The following PDRG1 variants were observed in gnomAD, a reference collection of about 807,000 sequenced individuals.
The protein encoded by PDRG1 is p53 and DNA damage-regulated protein 1.
In PDRG1, 14 loss-of-function variants were observed where a neutral mutation model predicts 18.4. That is an observed-to-expected ratio of 0.76 (90% CI 0.50 to 1.19). The LOEUF (loss-of-function observed/expected upper bound fraction) is 1.19, where lower values mean the gene tolerates loss of function less well. PDRG1 is among the 50% of genes most tolerant of loss of function. The probability of loss-of-function intolerance (pLI) is 0.00; values close to 1 mark genes in which losing one functional copy is unlikely to be tolerated. For synonymous variants in PDRG1, 65 were observed against 60.9 expected (o/e 1.07, Z -0.31); for missense variants, 177 against 160.1 (o/e 1.11, Z -0.57).
chr20:31,946,349 C>A, intron 4 of PDRG1, 147 bp downstream of exon 4: 1 of 724,548 alleles, frequency 1.4e-6, no homozygotes, highest in South Asian at 1.6e-5. Context: ...GCAGCTACAA[C>A]CAACCACTGT....
rs976525838 is a variant in PDRG1 at position 31,945,606 on chromosome 20, A to G, written c.*201T>C. ...TTGTGTCCACCGAGCCCTGGTGTCC[A>G]GGTCCAGCAGCCAGACAGGCTGAAG... On this transcript the variant is annotated 3_prime_UTR_variant, in exon 5 of 5. Transcript: ENST00000202017. 1 of 507,178 alleles carries G rather than the reference A, an allele frequency of 2.0e-6. No individual in the cohort carries two copies. The highest frequency in any genetic ancestry group is 2.6e-5 in the South Asian group (1 of 37,986). The allele number at this position is 507,178 out of a possible 1,614,324, so 31.4% of individuals were successfully genotyped here. A position where few individuals can be genotyped will look rare whatever the true frequency, so the allele number is the denominator to read the frequency against.
intron 1 of PDRG1, among the ~76,000 whole-genome samples, chr20:31,950,906 C>T (rs559988224): frequency 2.6e-5 from 4 of 152,078 alleles, no homozygotes; most frequent in Admixed American, 6.5e-5. Flanking sequence ...TTTGGAATAC[C>T]CAGGTTCGAA....
At chr20:31,946,680 A>T (rs1225443377) in intron 3 of PDRG1, 104 bp from the exon 4 acceptor site, 1 of 1,000,912 alleles carries the variant, frequency 1.0e-6, no homozygotes, top group East Asian at 2.4e-5. Context: ...TGTAGCTTTC[A>T]GGAAGGAAAA....
chr20:31,952,005 T>A lies in PDRG1; in HGVS notation c.-44A>T, dbSNP rs755070568. 6.7e-7 allele frequency: 1 copy of A among 1,497,672 alleles called. No homozygotes were observed. The highest frequency in any genetic ancestry group is 8.9e-7 in the Non-Finnish European group (1 of 1,126,702). The allele number at this position is 1,497,672 out of a possible 1,614,324, so 92.8% of individuals were successfully genotyped here. On this transcript the variant is annotated 5_prime_UTR_variant, in exon 1 of 5. Coordinates refer to ENST00000202017, the MANE Select transcript of PDRG1 (RefSeq NM_030815.3). ...TTGCGGCTCTCGCGCGACCCCGGGATCTCCGCTTCGACTCCCGCTGCGCAC... is the reference window on the plus strand; with the variant it reads ...TTGCGGCTCTCGCGCGACCCCGGGAACTCCGCTTCGACTCCCGCTGCGCAC...
In PDRG1 at chr20:31,948,891, G is replaced by A. The variant is rs1250300724; in HGVS notation, c.164-9C>T. ...GCAAACCATCACATCTTCTGAAAGAGCAAATAGTAATTCCTTCAACAATTT... is the reference window on the plus strand; with the variant it reads ...GCAAACCATCACATCTTCTGAAAGAACAAATAGTAATTCCTTCAACAATTT... On this transcript the variant is annotated splice_polypyrimidine_tract_variant and intron_variant, in intron 2 of 4. Transcript: ENST00000202017. The A allele has an allele frequency of 2.5e-6, 4 of 1,613,012 alleles. No individual in the cohort carries two copies. The East Asian group carries it at 6.7e-5, about 27-fold the overall frequency.
intron 1 of PDRG1, among the ~76,000 whole-genome samples, chr20:31,951,085 C>T (rs1227977534): frequency 2.6e-5 from 4 of 152,226 alleles, no homozygotes; most frequent in Non-Finnish European, 5.9e-5. Context: ...CTCTTATTCT[C>T]ATCCAGCACA....
Position 31,952,023 on chromosome 20 carries a change from C to T in PDRG1, c.-62G>A. Reference sequence around the variant, plus strand: ...CCCGGGATCTCCGCTTCGACTCCCGCTGCGCACGCGCCGCTCTCTAGGTGC... The same window carrying T: ...CCCGGGATCTCCGCTTCGACTCCCGTTGCGCACGCGCCGCTCTCTAGGTGC... On this transcript the variant is annotated 5_prime_UTR_variant, in exon 1 of 5. Transcript: ENST00000202017. 1.3e-6 allele frequency: 2 copies of T among 1,483,494 alleles called. No individual in the cohort carries two copies. The highest frequency in any genetic ancestry group is 2.7e-5 in the South Asian group (2 of 74,404). 91.9% of individuals were successfully genotyped at this position (1,483,494 alleles called of 1,614,324 possible). A position where few individuals can be genotyped will look rare whatever the true frequency, so the allele number is the denominator to read the frequency against.
rs2064301309 is a variant in PDRG1, at chr20:31,945,072, T to C, written c.*735A>G. The C allele has an allele frequency of 6.6e-6, 1 of 152,298 alleles. No individual in the cohort carries two copies. Among genetic ancestry groups the C allele is most frequent in the Non-Finnish European group, 1.5e-5 (1 of 68,092 alleles). 9.4% of individuals were successfully genotyped at this position (152,298 alleles called of 1,614,324 possible). A position where few individuals can be genotyped will look rare whatever the true frequency, so the allele number is the denominator to read the frequency against. ...ACTGAAGGCAGACAGTAACGAGCAG[T>C]GCTGGCCGGGCCCCACTTTCAGAGG... On this transcript the variant is annotated 3_prime_UTR_variant, in exon 5 of 5. Transcript: ENST00000202017.
chr20:31,950,442 C>G (rs2064345277), intron 1 of PDRG1, 55 bp from the exon 2 acceptor site: 2 of 1,348,300 alleles, frequency 1.5e-6, no homozygotes, highest in East Asian at 4.6e-5. Flanking sequence ...CAAGCTGTCA[C>G]CTCTTGACAG....
At chr20:31,948,117 T>C in intron 3 of PDRG1, among the ~76,000 whole-genome samples, 1 of 152,202 alleles carries the variant, frequency 6.6e-6, no homozygotes, top group East Asian at 1.9e-4. Flanking sequence ...ACTGAGTGCC[T>C]AGGCTATGGC....
At chr20:31,946,877 C>T (rs1424773189) in intron 3 of PDRG1, among the ~76,000 whole-genome samples, 2 of 152,148 alleles carry the variant, frequency 1.3e-5, no homozygotes, top group Non-Finnish European at 2.9e-5. Context: ...AGGCTGCCCT[C>T]CCACAATGAA....
chr20:31,949,481 A>C (rs1443590296), intron 2 of PDRG1, among the ~76,000 whole-genome samples: 1 of 152,258 alleles, frequency 6.6e-6, no homozygotes, highest in Non-Finnish European at 1.5e-5. Context: ...CTGAGGCACA[A>C]GAATCACTTG....
At position 31,952,018 on chromosome 20, in the gene PDRG1, TCCCGCTGCGCACGCG is replaced by T; in HGVS notation, c.-72_-58del. 6.7e-7 allele frequency: 1 copy of T among 1,485,306 alleles called. No individual in the cohort carries two copies. The allele number at this position is 1,485,306 out of a possible 1,614,324, so 92.0% of individuals were successfully genotyped here. On this transcript the variant is annotated 5_prime_UTR_variant, in exon 1 of 5. Transcript: ENST00000202017. ...GCGACCCCGGGATCTCCGCTTCGAC[TCCCGCTGCGCACGCG>T]CCGCTCTCTAGGTGCTTCCGGCGCG...
chr20:31,945,979 G>C (rs899069491), intron 4 of PDRG1, 90 bp from the exon 5 acceptor site: 1 of 1,035,820 alleles, frequency 9.7e-7, no homozygotes, highest in Non-Finnish European at 1.4e-6. Context: ...CACTAATGCT[G>C]CCAAACTCAG....
At chr20:31,946,621 C>G (rs373009382) in intron 3 of PDRG1, 45 bp from the exon 4 acceptor site, 1 of 1,528,664 alleles carries the variant, frequency 6.5e-7, no homozygotes, top group East Asian at 2.2e-5. Flanking sequence ...TTGTACCAGA[C>G]AGACTTGATC....
intron 3 of PDRG1, among the ~76,000 whole-genome samples, chr20:31,948,139 G>T (rs1568862148): frequency 6.6e-6 from 1 of 152,160 alleles, no homozygotes; most frequent in Non-Finnish European, 1.5e-5. Flanking sequence ...GACCCTAGAG[G>T]TTTAATCTCC....
chr20:31,946,461 C>T (rs774953254), intron 4 of PDRG1, 35 bp downstream of exon 4: 67 of 1,538,498 alleles, frequency 4.4e-5, no homozygotes, highest in Non-Finnish European at 5.6e-5. Context: ...ATGATTCCCT[C>T]CCCTTCTTAT....
At chr20:31,950,177 G>A (rs953801741) in intron 2 of PDRG1, 135 bp downstream of exon 2, 18 of 728,910 alleles carry the variant, frequency 2.5e-5, no homozygotes, top group African/African-American at 2.1e-4. Context: ...CCATCTCCCC[G>A]GACTGTTTCA....
In PDRG1 at chr20:31,948,877, C is replaced by T; in HGVS notation, c.169G>A (p.Val57Met). ...AACATGTTCCCGAAGCAAACCATCA[C>T]ATCTTCTGAAAGAGCAAATAGTAAT... ...LQKDLSLSED[V>M]MVCFGNMFIK... The change falls in exon 3 of 5, where the codon GTG (valine) becomes ATG (methionine). Residue 57 changes from valine (V) to methionine (M), a missense_variant. Coordinates refer to ENST00000202017, the MANE Select transcript of PDRG1 (RefSeq NM_030815.3). 1 of 1,613,704 alleles carries T rather than the reference C, an allele frequency of 6.2e-7. No homozygotes were observed. The highest frequency in any genetic ancestry group is 8.5e-7 in the Non-Finnish European group (1 of 1,179,856).
Sources: allele counts gnomAD v4.1 joint callset (sites outside exome capture counted in the v4.1 genomes callset), GRCh38; gene constraint gnomAD v4.1.1; transcripts MANE v1.5; gene names NCBI Gene and HGNC (gene_info 2026-07-23, HGNC 2026-07-21).